The following SPATA6L variants were observed in gnomAD, a reference collection of about 807,000 sequenced individuals.
SPATA6L encodes the protein spermatogenesis associated 6 like.
SPATA6L carries 68 observed loss-of-function variants against 49.2 expected under a neutral mutation model. That is an observed-to-expected ratio of 1.38 (90% CI 1.14 to 1.69). The LOEUF is 1.69. Among genes scored for constraint, SPATA6L ranks in the 40% most tolerant of loss-of-function variants. SPATA6L has a pLI of 0.00. For synonymous variants in SPATA6L, 198 were observed against 165.7 expected (o/e 1.19, Z -1.50); for missense variants, 668 against 464.3 (o/e 1.44, Z -4.03).
chr9:4,599,794 G>C lies in SPATA6L; in HGVS notation c.*1017C>G, dbSNP rs1435909724. ...TCCCAAAAGGCCCCATTTCCTTAGA[G>C]GTTAGGATTTCAACATACAAATGTT... On this transcript the variant is annotated 3_prime_UTR_variant, in exon 12 of 12. Transcript: ENST00000682582. Among the ~76,000 whole-genome samples the C allele has an allele frequency of 1.3e-5, 2 of 152,176 alleles. No individual in the cohort carries two copies. The highest frequency in any genetic ancestry group is 2.9e-5 in the Non-Finnish European group (2 of 68,034).
intron 3 of SPATA6L, among the ~76,000 whole-genome samples, chr9:4,637,976 A>C (rs1382953538): frequency 6.6e-6 from 1 of 152,182 alleles, no homozygotes; most frequent in Non-Finnish European, 1.5e-5. Context: ...TCATACATTC[A>C]AAAAACACTT....
At chr9:4,639,445 AG>A (rs1833559118) in intron 3 of SPATA6L, among the ~76,000 whole-genome samples, 1 of 152,248 alleles carries the variant, frequency 6.6e-6, no homozygotes, top group East Asian at 1.9e-4. Context: ...TCAGAATCAC[AG>A]GAATAAAAAT....
intron 3 of SPATA6L, among the ~76,000 whole-genome samples, chr9:4,645,249 C>A (rs776145634): frequency 6.6e-6 from 1 of 152,138 alleles, no homozygotes; most frequent in South Asian, 2.1e-4. Flanking sequence ...AGCAAATATA[C>A]AACAATTTGT....
chr9:4,666,082 G>A (rs771590152), intron 1 of SPATA6L, 130 bp downstream of exon 1: 4 of 834,590 alleles, frequency 4.8e-6, no homozygotes, highest in Non-Finnish European at 8.2e-6. Context: ...AGACAAAGGT[G>A]CGATCTGTCC....
At chr9:4,626,644 C>G (rs1467366038) in intron 5 of SPATA6L, 1 of 1,091,258 alleles carries the variant, frequency 9.2e-7, no homozygotes, top group East Asian at 5.9e-5. Flanking sequence ...CCTGTTTAGC[C>G]ATTTTTAAAA....
intron 4 of SPATA6L, among the ~76,000 whole-genome samples, chr9:4,632,124 C>G (rs1230553281): frequency 1.3e-5 from 2 of 150,040 alleles, no homozygotes; most frequent in Non-Finnish European, 3.0e-5. Flanking sequence ...ACTCTGACCT[C>G]TGCCTCCTGC....
intron 11 of SPATA6L, among the ~76,000 whole-genome samples, chr9:4,603,250 T>C (rs1198131700): frequency 6.6e-6 from 1 of 152,058 alleles, no homozygotes; most frequent in Admixed American, 6.6e-5. Flanking sequence ...ACCAACATGG[T>C]GAAACCCCAT....
rs1364797139 is a variant in SPATA6L at position 4,644,182 on chromosome 9, GCAAAAAAA to G, written c.227-8791_227-8784del. 4.0e-4 allele frequency among the ~76,000 whole-genome samples: 20 copies of G among 49,410 alleles called. No homozygotes were observed. In the South Asian group the frequency reaches 8.8e-3, roughly 22 times the overall value. The allele number at this position is 49,410 out of a possible 152,430, so 32.4% of individuals were successfully genotyped here. Reference sequence around the variant, plus strand: ...GGCAACATAGTAAGATGCCATCTCTGCAAAAAAAAAAAAAAAAAAAAAAAAAAAAAAAA... The same window carrying G: ...GGCAACATAGTAAGATGCCATCTCTGAAAAAAAAAAAAAAAAAAAAAAAAA... On this transcript the variant is annotated intron_variant, in intron 3 of 11. Transcript: ENST00000682582.
intron 3 of SPATA6L, among the ~76,000 whole-genome samples, chr9:4,645,879 T>C (rs1217819840): frequency 6.6e-6 from 1 of 152,202 alleles, no homozygotes; most frequent in Non-Finnish European, 1.5e-5. Context: ...GAATTTCGTT[T>C]TGGGGTAATG....
chr9:4,601,003 T>G (rs182484201), intron 11 of SPATA6L, among the ~76,000 whole-genome samples, 194 bp from the exon 12 acceptor site: 2 of 152,222 alleles, frequency 1.3e-5, no homozygotes, highest in African/African-American at 4.8e-5. Flanking sequence ...TGTGTGACCT[T>G]GGACAATTTA....
Position 4,662,300 on chromosome 9 carries a change from G to A in SPATA6L, c.40-264C>T, listed in dbSNP as rs1023499790. On this transcript the variant is annotated intron_variant, in intron 1 of 11. Coordinates refer to ENST00000682582, the MANE Select transcript of SPATA6L (RefSeq NM_001353486.2). The surrounding 1 kb of genome is among the most constrained non-coding windows in gnomAD (Gnocchi z 4.9). The stretch of plus-strand genomic sequence containing the variant: ...CCCGCCCCTCCGGGATGGTAGTGCG[G>A]AAGCGGAAGAGGCTGCAGGGCCGGG... The A allele has an allele frequency of 7.7e-6, 11 of 1,435,024 alleles. No homozygotes were observed. In the African/African-American group the frequency reaches 1.3e-4, roughly 17 times the overall value. The allele number at this position is 1,435,024 out of a possible 1,614,324, so 88.9% of individuals were successfully genotyped here. A position where few individuals can be genotyped will look rare whatever the true frequency, so the allele number is the denominator to read the frequency against.
At chr9:4,657,528 A>T (rs748065070) in intron 2 of SPATA6L, among the ~76,000 whole-genome samples, 1 of 151,922 alleles carries the variant, frequency 6.6e-6, no homozygotes, top group Non-Finnish European at 1.5e-5. Context: ...TTGAGCACAG[A>T]AACTGTTTTT....
intron 1 of SPATA6L, chr9:4,663,567 T>C (rs1840370181): frequency 3.1e-6 from 1 of 321,658 alleles, no homozygotes; most frequent in Non-Finnish European, 6.1e-6. Flanking sequence ...CTGTTGCTGT[T>C]AAAAGTTGGT....
rs778891830 is a variant in SPATA6L at position 4,662,561 on chromosome 9, G to C, written c.40-525C>G. ...CCTGCGCCCGGCTCCGTGCATCGGA[G>C]AGCCCAGTTCACCGCCGCGGCTCCT... is the stretch of plus-strand genomic sequence containing the variant. On this transcript the variant is annotated intron_variant, in intron 1 of 11. Coordinates refer to ENST00000682582, the MANE Select transcript of SPATA6L (RefSeq NM_001353486.2). The surrounding 1 kb of genome is among the most constrained non-coding windows in gnomAD (Gnocchi z 4.9). 8 of 1,583,020 alleles carry C rather than the reference G, an allele frequency of 5.1e-6. No individual in the cohort carries two copies. Among genetic ancestry groups the C allele is most frequent in the Non-Finnish European group, 5.1e-6 (6 of 1,173,334 alleles).
chr9:4,618,810 T>C, intron 8 of SPATA6L, 54 bp downstream of exon 8: 10 of 1,514,212 alleles, frequency 6.6e-6, no homozygotes, highest in Non-Finnish European at 9.1e-6. Flanking sequence ...GCACAATAAT[T>C]GACATAAGAT....
At chr9:4,635,140 G>T in intron 4 of SPATA6L, 135 bp downstream of exon 4, 2 of 843,016 alleles carry the variant, frequency 2.4e-6, no homozygotes, top group Non-Finnish European at 3.3e-6. Flanking sequence ...CTTGAGTTGG[G>T]CATCAAAACA....
chr9:4,650,180 A>C (rs1836468092), intron 3 of SPATA6L, among the ~76,000 whole-genome samples: 1 of 152,044 alleles, frequency 6.6e-6, no homozygotes, highest in Admixed American at 6.6e-5. Context: ...TCTTCAATCT[A>C]CCTGGTATGC....
chr9:4,645,269 T>C (rs1835113638), intron 3 of SPATA6L, among the ~76,000 whole-genome samples: 1 of 152,220 alleles, frequency 6.6e-6, no homozygotes, highest in Non-Finnish European at 1.5e-5. Context: ...TACATTAATA[T>C]TCAAAACAGC....
intron 9 of SPATA6L, 72 bp from the exon 10 acceptor site, chr9:4,605,512 T>C (rs1824559874): frequency 1.1e-6 from 1 of 948,920 alleles, no homozygotes; most frequent in South Asian, 1.4e-5. Context: ...CATGACGGTA[T>C]GGATTGATAT....
Sources: allele counts gnomAD v4.1 joint callset (sites outside exome capture counted in the v4.1 genomes callset), GRCh38; gene constraint gnomAD v4.1.1; non-coding constraint Gnocchi (gnomAD v3.1); transcripts MANE v1.5; gene names NCBI Gene and HGNC (gene_info 2026-07-23, HGNC 2026-07-21).